Variants in FNBP4 observed in about 807,000 individuals in gnomAD.
The protein encoded by FNBP4 is formin binding protein 4, also known as formin-binding protein 4.
Under a neutral mutation model 119.3 loss-of-function variants are expected in FNBP4, and 34 were observed. The ratio of observed to expected loss-of-function variants is 0.28; its 90% CI spans 0.22 to 0.38. The LOEUF is 0.38. Ranked by LOEUF, FNBP4 falls within the 10% of genes least tolerant of loss-of-function variation. FNBP4 has a pLI of 1.00. For missense variants in FNBP4, 1,112 were observed against 1,228.9 expected (o/e 0.90, Z 1.42); for synonymous variants, 462 against 430.6 (o/e 1.07, Z -0.90).
chr11:47,743,013 C>G (rs1164583551), intron 8 of FNBP4, among the ~76,000 whole-genome samples: 6 of 150,102 alleles, frequency 4.0e-5, no homozygotes, highest in Admixed American at 1.3e-4. Flanking sequence ...TATCAAGAAA[C>G]AAGGGTCTTG....
Position 47,723,298 on chromosome 11 carries a change from A to G in FNBP4, c.2483T>C (p.Ile828Thr). The change falls in exon 15 of 17, where the codon ATT (isoleucine) becomes ACT (threonine). Residue 828 changes from isoleucine to threonine, a missense_variant. Around this residue, in one of 2 missense-constraint regions of FNBP4, gnomAD observed 826 missense variants for 988.8 expected, o/e 0.84. Coordinates refer to ENST00000263773, the MANE Select transcript of FNBP4 (RefSeq NM_015308.5). ...TCCAATTCCTGTTGCCTGGTTTCCAATCCCTGCTGCCTGGTGACCTAACAC... is the reference window on the plus strand; with the variant it reads ...TCCAATTCCTGTTGCCTGGTTTCCAGTCCCTGCTGCCTGGTGACCTAACAC... ...AIATGHQAAG[I>T]GNQATGIGHQ... 6.2e-7 allele frequency: 1 copy of G among 1,610,578 alleles called. No individual in the cohort carries two copies. Among genetic ancestry groups the G allele is most frequent in the Non-Finnish European group, 8.5e-7 (1 of 1,177,296 alleles).
At chr11:47,745,816 T>C (rs1361062756) in intron 7 of FNBP4, among the ~76,000 whole-genome samples, 2 of 151,924 alleles carry the variant, frequency 1.3e-5, no homozygotes, top group Non-Finnish European at 2.9e-5. Flanking sequence ...TTATGGAAAA[T>C]AGAAAGAACC....
At chr11:47,744,217 TAATCAGAATA>T in intron 7 of FNBP4, 54 bp from the exon 8 acceptor site, 1 of 1,385,470 alleles carries the variant, frequency 7.2e-7, no homozygotes, top group East Asian at 2.4e-5. Flanking sequence ...TTAATATGTA[TAATCAGAATA>T]ATAAACAAGA....
At chr11:47,740,106 TAAAAG>T (rs1327685321) in intron 8 of FNBP4, among the ~76,000 whole-genome samples, 1 of 151,380 alleles carries the variant, frequency 6.6e-6, no homozygotes, top group Non-Finnish European at 1.5e-5. Flanking sequence ...TCCTCTCTCT[TAAAAG>T]AAACAAAAAT....
chr11:47,765,730 T>C (rs954822459), intron 1 of FNBP4, among the ~76,000 whole-genome samples: 2 of 151,784 alleles, frequency 1.3e-5, no homozygotes, highest in Non-Finnish European at 2.9e-5. Context: ...GAAGGATCGC[T>C]TGAACCCAGG....
rs373647181 is a variant in FNBP4 at position 47,751,255 on chromosome 11, C to G, written c.673G>C (p.Asp225His). The G allele has an allele frequency of 1.2e-6, 2 of 1,613,982 alleles. No individual in the cohort carries two copies. The highest frequency in any genetic ancestry group is 1.3e-5 in the African/African-American group (1 of 74,928). ...TAATAATAACATCCCGTGTTCTCAT[C>G]CCAGACTTCCTGCCAATCGCCCATC... ...IEMGDWQEVW[D>H]ENTGCYYYWN... is the part of the protein sequence containing the mutation. The change falls in exon 5 of 17, where the codon GAT becomes CAT. Residue 225 changes from aspartate to histidine, a missense_variant. Asp to His is a moderately conservative substitution (Grantham distance 81, BLOSUM62 -1). This residue lies in a region of FNBP4 where 826 missense variants were observed against 988.8 expected (regional missense o/e 0.84). Coordinates refer to ENST00000263773, the MANE Select transcript of FNBP4 (RefSeq NM_015308.5).
chr11:47,744,294 G>A (rs2097586275), intron 7 of FNBP4, 131 bp from the exon 8 acceptor site: 2 of 781,440 alleles, frequency 2.6e-6, no homozygotes, highest in African/African-American at 1.8e-5. Flanking sequence ...TTTTTTTGGA[G>A]ACAGGCTCTC....
rs1184301850 is a variant in FNBP4 at position 47,767,144 on chromosome 11, G to C, written c.145C>G (p.Pro49Ala). The part of the protein sequence containing the change: ...PDSTAAVPSQ[P>A]APSAATTTTT... ...GTGGTCGTCGCCGCCGACGGGGCGGGCTGGCTGGGGACCGCCGCGGTTGAG... is the reference window on the plus strand; with the variant it reads ...GTGGTCGTCGCCGCCGACGGGGCGGCCTGGCTGGGGACCGCCGCGGTTGAG... Residue 49 changes from proline to alanine, a missense_variant, in exon 1 of 17, where the codon CCC (proline) becomes GCC (alanine). Physicochemically the swap from Pro to Ala is conservative, Grantham distance 27. Around this residue, in one of 2 missense-constraint regions of FNBP4, gnomAD observed 286 missense variants for 240.1 expected, o/e 1.19. Coordinates refer to ENST00000263773, the MANE Select transcript of FNBP4 (RefSeq NM_015308.5). 6.5e-7 allele frequency: 1 copy of C among 1,544,398 alleles called. No individual in the cohort carries two copies. The highest frequency in any genetic ancestry group is 1.2e-5 in the South Asian group (1 of 84,356).
At chr11:47,750,698 AAAAAAAAAAAAAAAAAAAAG>A (rs2097600971) in intron 6 of FNBP4, among the ~76,000 whole-genome samples, 198 bp downstream of exon 6, 2 of 136,842 alleles carry the variant, frequency 1.5e-5, no homozygotes, top group East Asian at 3.9e-4. Flanking sequence ...CAAAAAAAAA[AAAAAAAAAAAAAAAAAAAAG>A]AAAAAAGAAA....
chr11:47,763,738 T>C (rs1214302880), intron 2 of FNBP4, among the ~76,000 whole-genome samples: 1 of 151,972 alleles, frequency 6.6e-6, no homozygotes, highest in Non-Finnish European at 1.5e-5. Context: ...CTGACGTCAT[T>C]ATCCACCTGC....
chr11:47,765,352 T>C lies in FNBP4; in HGVS notation c.231A>G (p.Glu77=). 6.3e-7 allele frequency: 1 copy of C among 1,577,084 alleles called. No individual in the cohort carries two copies. Among genetic ancestry groups the C allele is most frequent in the South Asian group, 1.2e-5 (1 of 85,378 alleles). Residue 77 remains glutamate (E), a synonymous_variant, in exon 2 of 17, where the codon GAA becomes GAG. Coordinates refer to ENST00000263773, the MANE Select transcript of FNBP4 (RefSeq NM_015308.5). ...CAACTCTAGGAACCTCCTGCACCGC[T>C]TCCTGTTCATCTGGATTAAAAAAAA... ...SDDSPSEDEQ[E]AVQEVPRVVQ... is the part of the protein sequence containing the mutation.
At chr11:47,748,137 G>GCCT (rs2097594494) in intron 6 of FNBP4, among the ~76,000 whole-genome samples, 1 of 151,990 alleles carries the variant, frequency 6.6e-6, no homozygotes, top group African/African-American at 2.4e-5. Flanking sequence ...TACTCGGGAG[G>GCCT]CTGAGGCAGG....
intron 1 of FNBP4, 47 bp from the exon 2 acceptor site, chr11:47,765,409 G>GAA (rs2097645287): frequency 1.5e-6 from 2 of 1,366,950 alleles, no homozygotes; most frequent in Non-Finnish European, 1.0e-6. Flanking sequence ...GAAAAGAAAA[G>GAA]AAAAGAAAAC....
chr11:47,732,758 C>CTA lies in FNBP4; in HGVS notation c.1687-90_1687-89dup. The CTA allele has an allele frequency of 1.6e-6, 2 of 1,245,388 alleles. No homozygotes were observed. The highest frequency in any genetic ancestry group is 2.5e-5 in the South Asian group (2 of 79,570). 77.1% of individuals were successfully genotyped at this position (1,245,388 alleles called of 1,614,324 possible). Reference sequence around the variant, plus strand: ...GGGATATAAACCTTCTGCTCCAAGACTATATCCCTGTGCTCTGGCAGGACA... The same window carrying CTA: ...GGGATATAAACCTTCTGCTCCAAGACTATATATCCCTGTGCTCTGGCAGGACA... On this transcript the variant is annotated intron_variant, in intron 10 of 16. Transcript: ENST00000263773. This position sits in a 1 kb window ranked among gnomAD's most constrained non-coding sequence, Gnocchi z 4.2.
At position 47,717,763 on chromosome 11, in the gene FNBP4, A is replaced by T. The variant is rs79191325; in HGVS notation, c.2964-251T>A. On this transcript the variant is annotated intron_variant, in intron 16 of 16. Coordinates refer to ENST00000263773, the MANE Select transcript of FNBP4 (RefSeq NM_015308.5). ...ATATTTATTTATTTATTATTGACTG[A>T]TTGAGACGGAATTTTGCTCTTGTTG... Among the ~76,000 whole-genome samples, 323 of 152,186 alleles carry T rather than the reference A, an allele frequency of 2.1e-3. 13 individuals are homozygous for T. The East Asian group carries it at 0.054, about 26-fold the overall frequency.
chr11:47,724,813 G>GA (rs1197446938), intron 12 of FNBP4, 35 bp from the exon 13 acceptor site: 8 of 1,517,920 alleles, frequency 5.3e-6, no homozygotes, highest in East Asian at 2.3e-5. Flanking sequence ...GAAAAAGCAA[G>GA]AAAAAAACTC....
chr11:47,731,825 CT>C, intron 11 of FNBP4: 1 of 1,148,972 alleles, frequency 8.7e-7, no homozygotes. Flanking sequence ...ACACTTTTCT[CT>C]TTTTTTGTGA....
At chr11:47,733,411 T>G (rs538231871) in intron 10 of FNBP4, among the ~76,000 whole-genome samples, 10 of 151,942 alleles carry the variant, frequency 6.6e-5, no homozygotes, top group Non-Finnish European at 1.3e-4. Context: ...CAATCTCTGC[T>G]CGCAACCTTC....
chr11:47,724,436 A>C (rs1338526969), intron 13 of FNBP4, 32 bp downstream of exon 13: 3 of 1,613,934 alleles, frequency 1.9e-6, no homozygotes. Context: ...CAGTCCTCAA[A>C]ATCACTCAGA....
Sources: gnomAD v4.1 joint callset for allele counts (sites outside exome capture counted in the v4.1 genomes callset) on GRCh38, gnomAD v4.1.1 for gene constraint, gnomAD v4.1.1 regional missense constraint, Gnocchi (gnomAD v3.1) non-coding constraint, MANE v1.5 for transcripts, NCBI Gene and HGNC (gene_info 2026-07-23, HGNC 2026-07-21) for gene names.